The following HIP1 variants were observed in gnomAD, a reference collection of about 807,000 sequenced individuals.
HIP1 encodes the protein huntingtin interacting protein 1, also known as huntingtin-interacting protein 1.
A neutral mutation model predicts 147.6 loss-of-function variants in HIP1; 65 were observed. The observed-to-expected ratio is 0.44, with a 90% confidence interval of 0.36 to 0.54. The LOEUF (loss-of-function observed/expected upper bound fraction) is 0.54, where lower values mean the gene tolerates loss of function less well. HIP1 is among the 20% of genes least tolerant of loss of function. HIP1 has a pLI of 0.00. For missense variants in HIP1, 1,061 were observed against 1,299.6 expected (o/e 0.82, Z 2.82); for synonymous variants, 479 against 504.0 (o/e 0.95, Z 0.67).
chr7:75,552,326 T>C (rs1794815415), intron 22 of HIP1, among the ~76,000 whole-genome samples: 1 of 152,186 alleles, frequency 6.6e-6, no homozygotes. Context: ...CTATATATAC[T>C]TAACCCAATT....
intron 23 of HIP1, 109 bp downstream of exon 23, chr7:75,548,781 TA>T (rs1305365772): frequency 1.2e-6 from 1 of 838,300 alleles, no homozygotes; most frequent in Non-Finnish European, 2.0e-6. Flanking sequence ...GTTTCTGTCT[TA>T]GGGGGTTGCC....
At position 75,738,797 on chromosome 7, in the gene HIP1, T is replaced by C. The variant is rs1554523951; in HGVS notation, c.120+4A>G. On this transcript the variant is annotated splice_donor_region_variant and intron_variant, in intron 1 of 30. Transcript: ENST00000336926. ...AGGGATGCCCCGGGGTCCCCCGTCC[T>C]CACCTGAGTCCGCTCGAAGCTCTCG... The C allele has an allele frequency of 6.2e-7, 1 of 1,601,754 alleles. No homozygotes were observed. Among genetic ancestry groups the C allele is most frequent in the Non-Finnish European group, 8.5e-7 (1 of 1,176,068 alleles).
chr7:75,709,559 G>GT (rs1353295951), intron 1 of HIP1, among the ~76,000 whole-genome samples: 1 of 152,104 alleles, frequency 6.6e-6, no homozygotes, highest in African/African-American at 2.4e-5. Flanking sequence ...TTGCTTATTG[G>GT]TTTTAACAGA....
Position 75,533,896 on chromosome 7 carries a change from A to C in HIP1, c.*4276T>G, listed in dbSNP as rs77222108. 4.3e-6 allele frequency: 1 copy of C among 234,134 alleles called. No individual in the cohort carries two copies. The highest frequency in any genetic ancestry group is 8.4e-6 in the Non-Finnish European group (1 of 118,674). The allele number at this position is 234,134 out of a possible 1,614,324, so 14.5% of individuals were successfully genotyped here. On this transcript the variant is annotated 3_prime_UTR_variant, in exon 31 of 31. Coordinates refer to ENST00000336926, the MANE Select transcript of HIP1 (RefSeq NM_005338.7). Reference sequence around the variant, plus strand: ...TGGTTTTCTATGCTACAGGTGGTGCAGTCTCTGGAGGACAAGGATGGCAGA... The same window carrying C: ...TGGTTTTCTATGCTACAGGTGGTGCCGTCTCTGGAGGACAAGGATGGCAGA...
chr7:75,546,841 G>A (rs1298919504), intron 25 of HIP1, 98 bp downstream of exon 25: 2 of 849,422 alleles, frequency 2.4e-6, no homozygotes, highest in Non-Finnish European at 3.8e-6. Context: ...TACTCAGGTG[G>A]ACACACAGAG....
chr7:75,537,419 T>G lies in HIP1; in HGVS notation c.*753A>C, dbSNP rs897686282. 1 of 231,156 alleles carries G rather than the reference T, an allele frequency of 4.3e-6. No individual in the cohort carries two copies. The highest frequency in any genetic ancestry group is 6.1e-5 in the East Asian group (1 of 16,418). 14.3% of individuals were successfully genotyped at this position (231,156 alleles called of 1,614,324 possible). On this transcript the variant is annotated 3_prime_UTR_variant, in exon 31 of 31. Transcript: ENST00000336926. Reference sequence around the variant, plus strand: ...GGCGGAGATGGAGCACCGAGAGGCCTGGGCAGCACCATCGCTGGAGCTACC... The same window carrying G: ...GGCGGAGATGGAGCACCGAGAGGCCGGGGCAGCACCATCGCTGGAGCTACC...
intron 1 of HIP1, chr7:75,639,082 G>C: frequency 2.0e-6 from 2 of 984,838 alleles, no homozygotes; most frequent in Non-Finnish European, 2.4e-6. Flanking sequence ...CGAGGCTGCG[G>C]GGCACCCCCC....
At chr7:75,588,117 C>T (rs587715327) in intron 4 of HIP1, among the ~76,000 whole-genome samples, 4 of 152,312 alleles carry the variant, frequency 2.6e-5, no homozygotes, top group South Asian at 2.1e-4. Context: ...CTCAAATCAC[C>T]GCTGTGATTG....
chr7:75,636,850 G>C (rs1190664758), intron 1 of HIP1, among the ~76,000 whole-genome samples: 5 of 152,142 alleles, frequency 3.3e-5, no homozygotes, highest in African/African-American at 1.2e-4. Flanking sequence ...TGGCATTCAG[G>C]GACTTGCTGG....
intron 1 of HIP1, among the ~76,000 whole-genome samples, chr7:75,696,345 C>T (rs1563299229): frequency 6.6e-6 from 1 of 151,810 alleles, no homozygotes; most frequent in Non-Finnish European, 1.5e-5. Flanking sequence ...ATAATGATCC[C>T]TCTCTCATTT....
At chr7:75,583,762 G>GTGTGTGTGTGTA (rs1796147075) in intron 5 of HIP1, among the ~76,000 whole-genome samples, 1 of 108,214 alleles carries the variant, frequency 9.2e-6, no homozygotes, top group African/African-American at 3.9e-5. Flanking sequence ...TAATTTGTGT[G>GTGTGTGTGTGTA]TGTGTGTGTG....
chr7:75,690,381 C>T (rs1554518018), intron 1 of HIP1, among the ~76,000 whole-genome samples: 3 of 152,104 alleles, frequency 2.0e-5, no homozygotes, highest in African/African-American at 7.2e-5. Context: ...ACATCATTAG[C>T]TATAAGGGAA....
At chr7:75,545,034 T>A in intron 26 of HIP1, 54 bp downstream of exon 26, 2 of 1,048,874 alleles carry the variant, frequency 1.9e-6, no homozygotes, top group Non-Finnish European at 2.9e-6. Flanking sequence ...TTGTTTGGAG[T>A]GGATCAATGG....
chr7:75,555,338 C>T, intron 19 of HIP1, 78 bp downstream of exon 19: 1 of 1,562,722 alleles, frequency 6.4e-7, no homozygotes, highest in Non-Finnish European at 8.8e-7. Context: ...TGAGCTAAGT[C>T]TCACATGAGA....
chr7:75,726,935 C>T (rs1801668917), intron 1 of HIP1, among the ~76,000 whole-genome samples: 1 of 151,854 alleles, frequency 6.6e-6, no homozygotes, highest in Non-Finnish European at 1.5e-5. Context: ...ACTCAGCCTC[C>T]CAAAGTGCTG....
chr7:75,730,450 G>A (rs1406788894), intron 1 of HIP1, among the ~76,000 whole-genome samples: 5 of 150,196 alleles, frequency 3.3e-5, no homozygotes, highest in Admixed American at 6.7e-5. Context: ...AGTGATTCTC[G>A]TGCCTCAGCC....
At chr7:75,622,137 C>T (rs2117095497) in intron 1 of HIP1, among the ~76,000 whole-genome samples, 1 of 151,722 alleles carries the variant, frequency 6.6e-6, no homozygotes, top group Middle Eastern at 3.4e-3. Flanking sequence ...AAAAATTAGC[C>T]AGATGTGGTG....
At chr7:75,683,372 AC>A (rs1264838412) in intron 1 of HIP1, among the ~76,000 whole-genome samples, 2 of 152,108 alleles carry the variant, frequency 1.3e-5, no homozygotes, top group Non-Finnish European at 2.9e-5. Context: ...GTCCCTTGTG[AC>A]CCCAAAAGGG....
At chr7:75,616,169 G>A (rs1197504895) in intron 1 of HIP1, among the ~76,000 whole-genome samples, 1 of 151,206 alleles carries the variant, frequency 6.6e-6, no homozygotes, top group Non-Finnish European at 1.5e-5. Flanking sequence ...CATCGTCCTA[G>A]ACAAGAATGA....
Sources: gnomAD v4.1 joint callset for allele counts (sites outside exome capture counted in the v4.1 genomes callset) on GRCh38, gnomAD v4.1.1 for gene constraint, MANE v1.5 for transcripts, NCBI Gene and HGNC (gene_info 2026-07-23, HGNC 2026-07-21) for gene names.